Variants in NOMO2 observed in about 807,000 individuals in gnomAD.
The protein encoded by NOMO2 is BOS complex subunit NOMO2.
Under a neutral mutation model 67.1 loss-of-function variants are expected in NOMO2, and 14 were observed. The ratio of observed to expected loss-of-function variants is 0.21; its 90% CI spans 0.14 to 0.33. The LOEUF (loss-of-function observed/expected upper bound fraction) is 0.33. Ranked by LOEUF, NOMO2 falls within the 10% of genes least tolerant of loss-of-function variation. NOMO2 has a pLI of 1.00. For synonymous variants in NOMO2, 80 were observed against 305.9 expected, an observed-to-expected ratio of 0.26 and a Z score of 7.71; for missense variants, 178 against 761.0, an observed-to-expected ratio of 0.23 and a Z score of 9.01.
intron 2 of NOMO2, among the ~76,000 whole-genome samples, chr16:18,556,429 T>A (rs1295580063): frequency 1.4e-5 from 2 of 145,836 alleles, no homozygotes; most frequent in Admixed American, 6.9e-5. Context: ...GCTGACAGAG[T>A]GAGACTCTGT....
At chr16:18,559,726 A>C (rs1338501980) in intron 1 of NOMO2, among the ~76,000 whole-genome samples, 1 of 152,000 alleles carries the variant, frequency 6.6e-6, no homozygotes, top group East Asian at 1.9e-4. Flanking sequence ...ATCAAGGGAC[A>C]TTCATCCAAA....
At chr16:18,533,243 G>A (rs1351536053) in intron 11 of NOMO2, 64 bp from the exon 12 acceptor site, 30 of 1,556,426 alleles carry the variant, frequency 1.9e-5, no homozygotes, top group African/African-American at 2.7e-5. Context: ...GGCTCTTATC[G>A]ACCAAAAAAG....
intron 11 of NOMO2, among the ~76,000 whole-genome samples, chr16:18,536,760 T>A (rs938679973): frequency 6.6e-6 from 1 of 152,214 alleles, no homozygotes; most frequent in Non-Finnish European, 1.5e-5. Flanking sequence ...CAGTGCCTCA[T>A]CTAGAGTAAT....
At chr16:18,542,445 AGT>A (rs1901568233) in intron 8 of NOMO2, 147 bp downstream of exon 8, 1 of 777,638 alleles carries the variant, frequency 1.3e-6, no homozygotes, top group Non-Finnish European at 2.2e-6. Context: ...CGAAGGGGTG[AGT>A]GTCTCATCTT....
intron 6 of NOMO2, among the ~76,000 whole-genome samples, chr16:18,544,386 A>C: frequency 6.6e-6 from 1 of 151,852 alleles, no homozygotes; most frequent in Non-Finnish European, 1.5e-5. Context: ...TTCTATTTTT[A>C]ATGATATACA....
At chr16:18,541,449 C>T (rs1176471398) in intron 9 of NOMO2, among the ~76,000 whole-genome samples, 3 of 143,146 alleles carry the variant, frequency 2.1e-5, no homozygotes, top group African/African-American at 4.9e-5. Context: ...TACTGTACGA[C>T]CTCCTTTCTT....
chr16:18,520,711 G>A lies in NOMO2; in HGVS notation c.2274-32C>T, dbSNP rs201261378. The A allele has an allele frequency of 2.8e-3, 4,543 of 1,606,752 alleles. 79 individuals carry two copies. The Admixed American group carries it at 0.052, about 19-fold the overall frequency. ...TAATTAATATACTTCAGTTTGGCGG[G>A]TCCTGTCCCCACAAAACAGAGGACA... On this transcript the variant is annotated intron_variant, in intron 19 of 30. Transcript: ENST00000622306.
chr16:18,557,891 G>T lies in NOMO2; in HGVS notation c.166-100C>A, dbSNP rs1004802407. ...CACTCAGTCAGTATACATTCACTGA[G>T]GACCTACTATATACCAGCTTTTAAC... On this transcript the variant is annotated intron_variant, in intron 1 of 30. Transcript: ENST00000622306. 6 of 1,594,940 alleles carry T rather than the reference G, an allele frequency of 3.8e-6. No homozygotes were observed. In the Admixed American group the frequency reaches 1.0e-4, roughly 27 times the overall value.
rs1241620612 is a variant in NOMO2 at position 18,558,814 on chromosome 16, T to C, written c.166-1023A>G. On this transcript the variant is annotated intron_variant, in intron 1 of 30. Transcript: ENST00000622306. Reference sequence around the variant, plus strand: ...GTAGACACAGAGCCGCTCCTTTTCATGTGGTTGTACAGATTCACATCAATG... The same window carrying C: ...GTAGACACAGAGCCGCTCCTTTTCACGTGGTTGTACAGATTCACATCAATG... 1.8e-5 allele frequency: 8 copies of C among 455,310 alleles called. No homozygotes were observed. The East Asian group carries it at 5.6e-4, about 32-fold the overall frequency. 28.2% of individuals were successfully genotyped at this position (455,310 alleles called of 1,614,324 possible). A position where few individuals can be genotyped will look rare whatever the true frequency, so the allele number is the denominator to read the frequency against.
intron 11 of NOMO2, among the ~76,000 whole-genome samples, chr16:18,535,197 A>G (rs1901389119): frequency 7.0e-6 from 1 of 143,724 alleles, no homozygotes; most frequent in Non-Finnish European, 1.5e-5. Flanking sequence ...TTAGCCTGTA[A>G]TCCCAGCTAC....
At chr16:18,561,107 C>G (rs1400108811) in intron 1 of NOMO2, among the ~76,000 whole-genome samples, 2 of 130,236 alleles carry the variant, frequency 1.5e-5, no homozygotes, top group Admixed American at 9.4e-5. Flanking sequence ...TTCCTCTTTA[C>G]GGGAACCTTT....
intron 4 of NOMO2, among the ~76,000 whole-genome samples, chr16:18,550,617 C>G (rs1901762411): frequency 6.6e-6 from 1 of 152,052 alleles, no homozygotes; most frequent in South Asian, 2.1e-4. Context: ...TGACTCTCCC[C>G]TGAGAATCTG....
chr16:18,526,312 C>T (rs1472795249), intron 16 of NOMO2, among the ~76,000 whole-genome samples: 1 of 152,120 alleles, frequency 6.6e-6, no homozygotes, highest in African/African-American at 2.4e-5. Context: ...TCGTGCATTG[C>T]TGGTGGGAAT....
chr16:18,540,307 C>G (rs553023672), intron 9 of NOMO2, among the ~76,000 whole-genome samples: 189 of 150,346 alleles, frequency 1.3e-3, no homozygotes, highest in African/African-American at 4.4e-3. Flanking sequence ...GCATTACCTA[C>G]TTATTAATTC....
intron 1 of NOMO2, chr16:18,558,868 A>G (rs1901973114): frequency 2.2e-6 from 1 of 455,454 alleles, no homozygotes; most frequent in South Asian, 1.5e-5. Context: ...CAGAATATGG[A>G]TTCAAAGAAA....
In NOMO2 at chr16:18,538,974, A is replaced by G. The variant is rs749673157; in HGVS notation, c.964-10T>C. 1.9e-6 allele frequency: 3 copies of G among 1,602,744 alleles called. No individual in the cohort carries two copies. Among genetic ancestry groups the G allele is most frequent in the South Asian group, 2.2e-5 (2 of 90,660 alleles). The stretch of plus-strand genomic sequence containing the variant: ...TGACGTGGAACACGGGCTAGAAAAC[A>G]AAGAACAAGAAGAAGGTGCTCGAAG... On this transcript the variant is annotated splice_polypyrimidine_tract_variant and intron_variant, in intron 9 of 30. Coordinates refer to ENST00000622306, the MANE Select transcript of NOMO2 (RefSeq NM_173614.4).
At chr16:18,532,947 CT>C (rs1367745985) in intron 12 of NOMO2, 57 bp downstream of exon 12, 1 of 1,494,308 alleles carries the variant, frequency 6.7e-7, no homozygotes, top group Non-Finnish European at 9.0e-7. Context: ...CCTAATAACC[CT>C]TCTAAAAATC....
At chr16:18,537,302 G>A (rs1332799483) in intron 11 of NOMO2, among the ~76,000 whole-genome samples, 2 of 150,844 alleles carry the variant, frequency 1.3e-5, no homozygotes, top group African/African-American at 4.9e-5. Context: ...GTCTGTCCCT[G>A]ACTTCCCTAC....
chr16:18,531,372 A>C, intron 13 of NOMO2, 94 bp downstream of exon 13: 2 of 1,607,428 alleles, frequency 1.2e-6, no homozygotes, highest in African/African-American at 1.3e-5. Flanking sequence ...ATCAGTAGCA[A>C]ACAACAAAGG....
Sources: allele counts gnomAD v4.1 joint callset (sites outside exome capture counted in the v4.1 genomes callset), GRCh38; gene constraint gnomAD v4.1.1; transcripts MANE v1.5; gene names NCBI Gene and HGNC (gene_info 2026-07-23, HGNC 2026-07-21).